The following NLRC5 variants were observed in gnomAD, a reference collection of about 807,000 sequenced individuals.
The protein encoded by NLRC5 is protein NLRC5.
NLRC5 carries 114 observed loss-of-function variants against 206.9 expected under a neutral mutation model. The ratio of observed to expected loss-of-function variants is 0.55; its 90% CI spans 0.47 to 0.64. The LOEUF (loss-of-function observed/expected upper bound fraction) is 0.64, where lower values mean the gene tolerates loss of function less well. Ranked by LOEUF, NLRC5 falls within the 30% of genes least tolerant of loss-of-function variation. The probability of loss-of-function intolerance (pLI) is 0.00; values close to 1 mark genes in which losing one functional copy is unlikely to be tolerated. For missense variants in NLRC5, 2,008 were observed against 2,305.5 expected (o/e 0.87, Z 2.64); for synonymous variants, 952 against 962.8 (o/e 0.99, Z 0.21).
intron 1 of NLRC5, among the ~76,000 whole-genome samples, chr16:57,003,237 A>G (rs1174798470): frequency 6.6e-6 from 1 of 151,650 alleles, no homozygotes; most frequent in Non-Finnish European, 1.5e-5. Context: ...TTAAGTAGAG[A>G]CGAGGTTTCC....
rs780457099 is a variant in NLRC5, at chr16:57,036,134, C to G, written c.2662C>G (p.Arg888Gly). ...GAACCAGCTGGAAGATGAAGGCTGT[C>G]GGCTGATGGCAGAGGCTGCATCCCA... ...SGNQLEDEGC[R>G]LMAEAASQLH... Residue 888 changes from arginine to glycine, a missense_variant, in exon 14 of 49, where the codon CGG (arginine) becomes GGG (glycine). By Grantham distance (125) the Arg-to-Gly change is moderately radical (BLOSUM62 -2). Transcript: ENST00000688547. The G allele has an allele frequency of 6.2e-7, 1 of 1,613,604 alleles. No homozygotes were observed. Among genetic ancestry groups the G allele is most frequent in the South Asian group, 1.1e-5 (1 of 91,072 alleles).
intron 41 of NLRC5, 83 bp downstream of exon 41, chr16:57,077,462 TG>T: frequency 7.6e-7 from 1 of 1,309,720 alleles, no homozygotes; most frequent in Non-Finnish European, 1.1e-6. Context: ...GAGGCCAGCA[TG>T]GTAAAATCTC....
intron 48 of NLRC5, among the ~76,000 whole-genome samples, chr16:57,081,937 T>C (rs895279367): frequency 2.0e-5 from 3 of 152,224 alleles, no homozygotes; most frequent in African/African-American, 7.2e-5. Context: ...GCCTGGCACA[T>C]AGTAAGCACT....
At chr16:57,075,005 CTTTTTTTTTTTTTTTTTTTTTTTTT>C (rs77796033) in intron 39 of NLRC5, among the ~76,000 whole-genome samples, 21 of 58,104 alleles carry the variant, frequency 3.6e-4, no homozygotes, top group Admixed American at 2.6e-3. Context: ...CTAGACTGTG[CTTTTTTTTTTTTTTTTTTTTTTTTT>C]TTTTTTTTTT....
chr16:57,036,170 G>C lies in NLRC5; in HGVS notation c.2698G>C (p.Ala900Pro). 6.2e-7 allele frequency: 1 copy of C among 1,613,206 alleles called. No individual in the cohort carries two copies. Among genetic ancestry groups the C allele is most frequent in the Non-Finnish European group, 8.5e-7 (1 of 1,179,908 alleles). Reference sequence around the variant, plus strand: ...AGAGGCTGCATCCCAGCTGCACATCGCCAGGAAGCTGGAGTGAGTTGTCCA... The same window carrying C: ...AGAGGCTGCATCCCAGCTGCACATCCCCAGGAAGCTGGAGTGAGTTGTCCA... Reference protein sequence around the residue: ...MAEAASQLHIARKLDLSNNGL... With the variant: ...MAEAASQLHIPRKLDLSNNGL... The change falls in exon 14 of 49, where the codon GCC becomes CCC. Residue 900 changes from alanine to proline, a missense_variant. By Grantham distance (27) the Ala-to-Pro change is conservative. Transcript: ENST00000688547.
In NLRC5 at chr16:57,021,023, A is replaced by G; in HGVS notation, c.295+16A>G. 6.2e-7 allele frequency: 1 copy of G among 1,609,256 alleles called. No individual in the cohort carries two copies. The highest frequency in any genetic ancestry group is 8.5e-7 in the Non-Finnish European group (1 of 1,176,208). On this transcript the variant is annotated intron_variant, in intron 3 of 48. Transcript: ENST00000688547. Reference sequence around the variant, plus strand: ...TATGATGATGGTAAGGGCAGGTGTGAGAGACGCAAAGCAGCCGGGCCAGTA... The same window carrying G: ...TATGATGATGGTAAGGGCAGGTGTGGGAGACGCAAAGCAGCCGGGCCAGTA...
chr16:57,080,359 A>C (rs1481896506), intron 46 of NLRC5, among the ~76,000 whole-genome samples: 1 of 152,074 alleles, frequency 6.6e-6, no homozygotes. Context: ...TAGGAAGGGC[A>C]TATGTTCCAA....
In NLRC5 at chr16:57,033,644, G is replaced by C. The variant is rs757264031; in HGVS notation, c.2518G>C (p.Ala840Pro). 6.2e-7 allele frequency: 1 copy of C among 1,614,108 alleles called. No individual in the cohort carries two copies. Among genetic ancestry groups the C allele is most frequent in the Non-Finnish European group, 8.5e-7 (1 of 1,179,978 alleles). Residue 840 changes from alanine (A) to proline (P), a missense_variant, in exon 12 of 49, where the codon GCT becomes CCT. By Grantham distance (27) the Ala-to-Pro change is conservative. Transcript: ENST00000688547. Reference protein sequence around the residue: ...LQESDGQRKGAQSRSLTLRLQ... With the variant: ...LQESDGQRKGPQSRSLTLRLQ... ...GGAAAGTGACGGCCAGAGGAAAGGG[G>C]CTCAGAGCAGAAGCTTGACGCTCAG...
intron 1 of NLRC5, among the ~76,000 whole-genome samples, chr16:57,016,324 A>G (rs1422248816): frequency 6.6e-6 from 1 of 152,232 alleles, no homozygotes; most frequent in African/African-American, 2.4e-5. Context: ...ACCATACTAC[A>G]TACCACCTCC....
At chr16:57,059,302 G>A (rs2066099066) in intron 29 of NLRC5, 165 bp from the exon 30 acceptor site, 7 of 1,464,686 alleles carry the variant, frequency 4.8e-6, no homozygotes, top group Non-Finnish European at 6.3e-6. Context: ...GTATTGCCAT[G>A]CTCACAGAAT....
intron 34 of NLRC5, among the ~76,000 whole-genome samples, chr16:57,067,054 A>G (rs1487678030): frequency 4.6e-5 from 7 of 152,292 alleles, no homozygotes; most frequent in Admixed American, 2.6e-4. Flanking sequence ...CTCTAAATCC[A>G]TATGGCACAG....
intron 15 of NLRC5, 38 bp downstream of exon 15, chr16:57,037,322 C>A (rs199939331): frequency 1.4e-5 from 21 of 1,544,450 alleles, no homozygotes; most frequent in Middle Eastern, 1.7e-4. Context: ...CATCCCCCCC[C>A]CCATCATGCT....
chr16:57,034,119 A>G (rs2062209982), intron 12 of NLRC5, 49 bp from the exon 13 acceptor site: 2 of 1,506,968 alleles, frequency 1.3e-6, no homozygotes, highest in African/African-American at 1.4e-5. Flanking sequence ...GGGGCCATGG[A>G]GTAGGGGCTG....
At position 57,020,952 on chromosome 16, in the gene NLRC5, G is replaced by T; in HGVS notation, c.240G>T (p.Leu80=). 4 of 1,614,096 alleles carry T rather than the reference G, an allele frequency of 2.5e-6. No homozygotes were observed. In the South Asian group the frequency reaches 4.4e-5, roughly 18 times the overall value. ...TCATTCATTGTGTGTGCATGCAGCT[G>T]GAGGTGCCTCTGGACCTGGAGGTGC... ...QSFIHCVCMQ[L]EVPLDLEVLL... is the part of the protein sequence containing the mutation. Residue 80 remains leucine (L), a synonymous_variant, in exon 3 of 49, where the codon CTG becomes CTT. Coordinates refer to ENST00000688547, the MANE Select transcript of NLRC5 (RefSeq NM_001384950.1).
intron 23 of NLRC5, among the ~76,000 whole-genome samples, chr16:57,050,229 C>G (rs1399726130): frequency 6.6e-6 from 1 of 152,204 alleles, no homozygotes; most frequent in Middle Eastern, 3.2e-3. Context: ...AATAAAGGCC[C>G]CAGTCCTGAC....
chr16:57,070,707 A>T, intron 38 of NLRC5, 89 bp downstream of exon 38: 1 of 1,005,022 alleles, frequency 1.0e-6, no homozygotes, highest in Non-Finnish European at 1.5e-6. Flanking sequence ...TGGTTAATGG[A>T]TGGTGGAAGT....
In NLRC5 at chr16:57,058,967, T is replaced by G. The variant is rs1226053074; in HGVS notation, c.3831-5T>G. 1 of 1,613,778 alleles carries G rather than the reference T, an allele frequency of 6.2e-7. No individual in the cohort carries two copies. Among genetic ancestry groups the G allele is most frequent in the Non-Finnish European group, 8.5e-7 (1 of 1,179,670 alleles). ...CTCCCATTCTCATCTCCATTTCCCT[T>G]CTAGTCTGAGTCACAACAGCATTTC... is the stretch of plus-strand genomic sequence containing the variant. On this transcript the variant is annotated splice_polypyrimidine_tract_variant and splice_region_variant and intron_variant, in intron 28 of 48. Coordinates refer to ENST00000688547, the MANE Select transcript of NLRC5 (RefSeq NM_001384950.1).
chr16:56,999,900 C>T (rs1264786083), intron 1 of NLRC5, among the ~76,000 whole-genome samples: 1 of 152,200 alleles, frequency 6.6e-6, no homozygotes, highest in Admixed American at 6.5e-5. Flanking sequence ...GGTGCCACAG[C>T]CTCAAACAGT....
chr16:57,042,758 G>A (rs1333248741), intron 19 of NLRC5, among the ~76,000 whole-genome samples: 10 of 152,128 alleles, frequency 6.6e-5, no homozygotes, highest in African/African-American at 1.4e-4. Context: ...GTTCCCAGTC[G>A]GTAAATACAT....
Sources: allele counts gnomAD v4.1 joint callset (sites outside exome capture counted in the v4.1 genomes callset), GRCh38; gene constraint gnomAD v4.1.1; transcripts MANE v1.5; gene names NCBI Gene and HGNC (gene_info 2026-07-23, HGNC 2026-07-21).